Variants in GABRB1 observed in about 807,000 individuals in gnomAD.
GABRB1 encodes the protein gamma-aminobutyric acid type A receptor subunit beta1, also known as gamma-aminobutyric acid receptor subunit beta-1.
GABRB1 carries 17 observed loss-of-function variants against 51.6 expected under a neutral mutation model. The observed-to-expected ratio is 0.33, with a 90% CI of 0.23 to 0.49. The LOEUF (loss-of-function observed/expected upper bound fraction) is 0.49, where lower values mean the gene tolerates loss of function less well. GABRB1 is among the 20% of genes least tolerant of loss of function. The pLI, the probability that GABRB1 is intolerant of heterozygous loss-of-function variation, is 0.99. For synonymous variants in GABRB1, 247 were observed against 218.9 expected (o/e 1.13, Z -1.14); for missense variants, 410 against 600.6 (o/e 0.68, Z 3.32).
intron 4 of GABRB1, among the ~76,000 whole-genome samples, chr4:47,302,460 A>T (rs1724296242): frequency 6.6e-6 from 1 of 152,036 alleles, no homozygotes; most frequent in Non-Finnish European, 1.5e-5. Flanking sequence ...CTAATAATTT[A>T]TATAAGATTC....
At chr4:47,033,099 G>A (rs1431692774) in intron 3 of GABRB1, 1 of 199,274 alleles carries the variant, frequency 5.0e-6, no homozygotes, top group Non-Finnish European at 1.0e-5. Context: ...GGGAGGTTAT[G>A]AATTTGTCTT....
intron 5 of GABRB1, among the ~76,000 whole-genome samples, chr4:47,352,759 G>A (rs1337760380): frequency 6.6e-6 from 1 of 152,116 alleles, no homozygotes; most frequent in African/African-American, 2.4e-5. Context: ...ATTTTGGTTT[G>A]CACATTTGGG....
intron 3 of GABRB1, among the ~76,000 whole-genome samples, chr4:47,103,563 A>G (rs1714814340): frequency 6.6e-6 from 1 of 151,976 alleles, no homozygotes; most frequent in Non-Finnish European, 1.5e-5. Flanking sequence ...TTTCTGCAGT[A>G]TTGTATTTTA....
chr4:47,258,408 A>T lies in GABRB1; in HGVS notation c.462-61719A>T, dbSNP rs961042635. The stretch of plus-strand genomic sequence containing the variant: ...TTAGATTATGTTCCTACCATTTAAC[A>T]TTTAAATATATTAGTTCCCATCAAA... On this transcript the variant is annotated intron_variant, in intron 4 of 8. Coordinates refer to ENST00000295454, the MANE Select transcript of GABRB1 (RefSeq NM_000812.4). Among the ~76,000 whole-genome samples the T allele has an allele frequency of 1.1e-4, 17 of 152,298 alleles. 2 individuals carry two copies. Among genetic ancestry groups the T allele is most frequent in the Admixed American group, 7.2e-4 (11 of 15,294 alleles).
At chr4:47,098,151 AACACACACAC>A (rs59294163) in intron 3 of GABRB1, among the ~76,000 whole-genome samples, 3,628 of 148,318 alleles carry the variant, frequency 0.024, 40 homozygotes, top group African/African-American at 0.036. Context: ...TTTTAGTACA[AACACACACAC>A]ACACACACAC....
At position 47,001,346 on chromosome 4, in the gene GABRB1, G is replaced by T. The variant is rs758878332; in HGVS notation, c.-20+7420G>T. The stretch of plus-strand genomic sequence containing the variant: ...TTTAGTAGAGATGTGGTTTCACCGT[G>T]TTAGCCAGGATGGTCTGAATCTCCT... On this transcript the variant is annotated intron_variant, in intron 1 of 3. Transcript: ENST00000513567. Among the ~76,000 whole-genome samples the T allele has an allele frequency of 3.9e-5, 6 of 152,088 alleles. No individual in the cohort carries two copies. In the South Asian group the frequency reaches 6.2e-4, roughly 16 times the overall value.
At chr4:47,226,639 C>G (rs192098172) in intron 4 of GABRB1, among the ~76,000 whole-genome samples, 251 of 152,202 alleles carry the variant, frequency 1.6e-3, no homozygotes, top group Non-Finnish European at 2.6e-3. Flanking sequence ...ACCAAGAAAT[C>G]TTCATCCAAG....
At chr4:47,208,819 T>G (rs1720241101) in intron 4 of GABRB1, among the ~76,000 whole-genome samples, 1 of 152,104 alleles carries the variant, frequency 6.6e-6, no homozygotes, top group Non-Finnish European at 1.5e-5. Context: ...TACCCTATAG[T>G]TGGGTCCATC....
intron 3 of GABRB1, among the ~76,000 whole-genome samples, chr4:47,117,249 T>A (rs1342541895): frequency 6.6e-6 from 1 of 152,176 alleles, no homozygotes; most frequent in Admixed American, 6.5e-5. Flanking sequence ...ATTATAGGGA[T>A]CAAGGCATGC....
chr4:47,328,608 T>G (rs1725342763), intron 5 of GABRB1, among the ~76,000 whole-genome samples: 1 of 152,156 alleles, frequency 6.6e-6, no homozygotes, highest in African/African-American at 2.4e-5. Context: ...TGAGTTCATA[T>G]CCTTTGTAGG....
At chr4:47,300,092 G>A (rs551536333) in intron 4 of GABRB1, among the ~76,000 whole-genome samples, 103 of 121,566 alleles carry the variant, frequency 8.5e-4, no homozygotes, top group African/African-American at 3.0e-3. Context: ...GACTGTTGTG[G>A]GGTGGGGGGA....
intron 3 of GABRB1, among the ~76,000 whole-genome samples, chr4:47,123,730 T>TA (rs1424968205): frequency 1.1e-5 from 1 of 87,584 alleles, no homozygotes; most frequent in African/African-American, 4.7e-5. Flanking sequence ...ATATGATATA[T>TA]CATATATTAT....
intron 4 of GABRB1, among the ~76,000 whole-genome samples, chr4:47,276,500 C>T (rs1224377652): frequency 6.6e-6 from 1 of 152,088 alleles, no homozygotes; most frequent in Admixed American, 6.6e-5. Flanking sequence ...ACCCTGTATA[C>T]TCCAAGGACT....
At chr4:47,004,092 G>A (rs774412483) in intron 1 of GABRB1, among the ~76,000 whole-genome samples, 6 of 151,932 alleles carry the variant, frequency 3.9e-5, no homozygotes, top group Non-Finnish European at 7.4e-5. Context: ...GGGTTCAAGC[G>A]GTTCCCCTGC....
At chr4:47,211,354 T>C (rs1257594324) in intron 4 of GABRB1, among the ~76,000 whole-genome samples, 2 of 152,182 alleles carry the variant, frequency 1.3e-5, no homozygotes, top group Non-Finnish European at 2.9e-5. Flanking sequence ...CAATAATTCA[T>C]TTGCTTTGTA....
intron 4 of GABRB1, among the ~76,000 whole-genome samples, chr4:47,201,775 C>T (rs1719905711): frequency 6.6e-6 from 1 of 151,998 alleles, no homozygotes; most frequent in African/African-American, 2.4e-5. Context: ...TATCATAGAT[C>T]GAAGAGGAAA....
intron 8 of GABRB1, among the ~76,000 whole-genome samples, chr4:47,411,719 G>A (rs1728767311): frequency 1.3e-5 from 2 of 152,120 alleles, no homozygotes; most frequent in South Asian, 4.1e-4. Flanking sequence ...GGAGAACCTG[G>A]GTGAGGGGTA....
chr4:47,425,839 C>T lies in GABRB1; in HGVS notation c.1246C>T (p.Arg416Cys), dbSNP rs751931636. Residue 416 changes from arginine (R) to cysteine (C), a missense_variant, in exon 9 of 9, where the codon CGC becomes TGC. Arg to Cys is a radical substitution (Grantham distance 180). This residue lies in a region of GABRB1 where 181 missense variants were observed against 195.6 expected (regional missense o/e 0.93). Coordinates refer to ENST00000295454, the MANE Select transcript of GABRB1 (RefSeq NM_000812.4). ...CCTGAGCAGCCGCGAGGCCTACGGGCGCGCCCTGGACCGGCACGGGGTACC... is the reference window on the plus strand; with the variant it reads ...CCTGAGCAGCCGCGAGGCCTACGGGTGCGCCCTGGACCGGCACGGGGTACC... Reference protein sequence around the residue: ...KPLSSREAYGRALDRHGVPSK... With the variant: ...KPLSSREAYGCALDRHGVPSK... 1.2e-6 allele frequency: 2 copies of T among 1,614,040 alleles called. No homozygotes were observed. The highest frequency in any genetic ancestry group is 1.7e-5 in the Admixed American group (1 of 60,022).
intron 3 of GABRB1, among the ~76,000 whole-genome samples, chr4:47,125,670 C>T (rs1258275489): frequency 6.9e-6 from 1 of 144,842 alleles, no homozygotes; most frequent in East Asian, 2.0e-4. Context: ...ATTCTCCTGC[C>T]TCAGCCTCCC....
Sources: gnomAD v4.1 joint callset for allele counts (sites outside exome capture counted in the v4.1 genomes callset) on GRCh38, gnomAD v4.1.1 for gene constraint, gnomAD v4.1.1 regional missense constraint, MANE v1.5 for transcripts, NCBI Gene and HGNC (gene_info 2026-07-23, HGNC 2026-07-21) for gene names.